The following KLHL7 variants were observed in gnomAD, a reference collection of about 807,000 sequenced individuals.
KLHL7 encodes kelch like family member 7, also known as kelch-like protein 7.
KLHL7 carries 44 observed loss-of-function variants against 67.4 expected under a neutral mutation model. That is an observed-to-expected ratio of 0.65 (90% CI 0.51 to 0.84). The LOEUF is 0.84. KLHL7 is among the 40% of genes least tolerant of loss of function. The probability of loss-of-function intolerance (pLI) is 0.00; values close to 1 mark genes in which losing one functional copy is unlikely to be tolerated. For synonymous variants in KLHL7, 252 were observed against 243.3 expected, an observed-to-expected ratio of 1.04 and a Z score of -0.33; for missense variants, 362 against 718.1, an observed-to-expected ratio of 0.50 and a Z score of 5.67.
At chr7:23,106,286 G>T in intron 1 of KLHL7, 140 bp downstream of exon 1, 1 of 1,520,824 alleles carries the variant, frequency 6.6e-7, no homozygotes. Flanking sequence ...TTTCGCAGGC[G>T]AGCGATTCCG....
At chr7:23,142,419 T>C (rs1784217972) in intron 5 of KLHL7, among the ~76,000 whole-genome samples, 1 of 152,134 alleles carries the variant, frequency 6.6e-6, no homozygotes, top group African/African-American at 2.4e-5. Flanking sequence ...GAGTATCAAT[T>C]TGCAAATTGA....
chr7:23,138,322 C>A (rs932854276), intron 4 of KLHL7, among the ~76,000 whole-genome samples: 1 of 151,082 alleles, frequency 6.6e-6, no homozygotes, highest in African/African-American at 2.4e-5. Context: ...ATTAGCTATG[C>A]ATGGTGGCAT....
chr7:23,117,795 C>G lies in KLHL7; in HGVS notation c.121-5982C>G, dbSNP rs1333973143. 1.9e-6 allele frequency: 3 copies of G among 1,541,496 alleles called. No homozygotes were observed. The East Asian group carries it at 7.2e-5, about 37-fold the overall frequency. ...TAACTAATCCAAGAAAATTATTTACCCCATCTAATAAGGGCCTCATTTCCC... is the reference window on the plus strand; with the variant it reads ...TAACTAATCCAAGAAAATTATTTACGCCATCTAATAAGGGCCTCATTTCCC... On this transcript the variant is annotated intron_variant, in intron 1 of 10. Coordinates refer to ENST00000339077, the MANE Select transcript of KLHL7 (RefSeq NM_001031710.3).
chr7:23,149,111 A>T (rs1429723471), intron 6 of KLHL7, among the ~76,000 whole-genome samples: 1 of 152,240 alleles, frequency 6.6e-6, no homozygotes, highest in East Asian at 1.9e-4. Flanking sequence ...CCAAAAGAAA[A>T]TGAATTACAA....
At chr7:23,146,634 C>G (rs541341377) in intron 6 of KLHL7, among the ~76,000 whole-genome samples, 1 of 147,934 alleles carries the variant, frequency 6.8e-6, no homozygotes, top group Non-Finnish European at 1.5e-5. Flanking sequence ...GCATTTATCA[C>G]TTATAGAGTT....
chr7:23,152,372 G>A (rs1259709167), intron 7 of KLHL7, among the ~76,000 whole-genome samples, 163 bp downstream of exon 7: 1 of 152,182 alleles, frequency 6.6e-6, no homozygotes, highest in Non-Finnish European at 1.5e-5. Context: ...TACAGATAAG[G>A]AAATCAGGCT....
chr7:23,171,711 A>T (rs1407483748), intron 9 of KLHL7, among the ~76,000 whole-genome samples: 1 of 152,132 alleles, frequency 6.6e-6, no homozygotes, highest in Non-Finnish European at 1.5e-5. Flanking sequence ...AATTCATCAA[A>T]TTGTTTTTTG....
intron 6 of KLHL7, among the ~76,000 whole-genome samples, chr7:23,145,835 A>T (rs1484720631): frequency 6.6e-6 from 1 of 152,170 alleles, no homozygotes; most frequent in Admixed American, 6.5e-5. Context: ...GGCACGAGTG[A>T]TCCTTTCACC....
Position 23,167,819 on chromosome 7 carries a change from G to A in KLHL7, c.1178-17G>A, listed in dbSNP as rs1282640003. On this transcript the variant is annotated splice_polypyrimidine_tract_variant and intron_variant, in intron 8 of 10. Transcript: ENST00000339077. Reference sequence around the variant, plus strand: ...ACACACTAAAGTTAAGCATGATGGGGCCTTTTTCTTTTACAGGAAACTCAG... The same window carrying A: ...ACACACTAAAGTTAAGCATGATGGGACCTTTTTCTTTTACAGGAAACTCAG... The A allele has an allele frequency of 5.6e-6, 9 of 1,611,942 alleles. No homozygotes were observed. The highest frequency in any genetic ancestry group is 2.2e-5 in the East Asian group (1 of 44,884).
chr7:23,120,937 TA>T (rs1188859705), intron 1 of KLHL7, among the ~76,000 whole-genome samples: 1 of 152,224 alleles, frequency 6.6e-6, no homozygotes, highest in African/African-American at 2.4e-5. Context: ...CATCTGGCTG[TA>T]ATTTTATGTC....
chr7:23,159,504 T>A (rs1370423326), intron 7 of KLHL7, among the ~76,000 whole-genome samples: 1 of 152,086 alleles, frequency 6.6e-6, no homozygotes, highest in African/African-American at 2.4e-5. Flanking sequence ...TTTTTCTAGA[T>A]ATGACCTTAG....
intron 7 of KLHL7, among the ~76,000 whole-genome samples, chr7:23,154,462 T>C (rs1784637630): frequency 1.3e-5 from 2 of 152,212 alleles, no homozygotes; most frequent in African/African-American, 4.8e-5. Context: ...TAAGAACATC[T>C]AGGGACTTTG....
chr7:23,152,817 ACTC>A (rs1447864809), intron 7 of KLHL7, among the ~76,000 whole-genome samples: 1 of 151,908 alleles, frequency 6.6e-6, no homozygotes, highest in Non-Finnish European at 1.5e-5. Context: ...TCACATTTCT[ACTC>A]CTTGTTTCAT....
At chr7:23,141,891 G>A (rs1784198324) in intron 5 of KLHL7, among the ~76,000 whole-genome samples, 2 of 149,742 alleles carry the variant, frequency 1.3e-5, no homozygotes, top group African/African-American at 5.0e-5. Flanking sequence ...CCAAAGTGCT[G>A]GGATTACAGG....
At position 23,106,016 on chromosome 7, in the gene KLHL7, G is replaced by A. The variant is rs1782618895; in HGVS notation, c.-11G>A. 3 of 1,609,194 alleles carry A rather than the reference G, an allele frequency of 1.9e-6. No individual in the cohort carries two copies. The highest frequency in any genetic ancestry group is 2.5e-6 in the Non-Finnish European group (3 of 1,178,664). ...CCGGCGAGCCCCGGGCGTGAACCGA[G>A]CTGAGGGAGGATGGCAGCCTCTGGG... On this transcript the variant is annotated 5_prime_UTR_variant, in exon 1 of 11. Coordinates refer to ENST00000339077, the MANE Select transcript of KLHL7 (RefSeq NM_001031710.3).
At chr7:23,122,944 C>G (rs1240241006) in intron 1 of KLHL7, among the ~76,000 whole-genome samples, 1 of 152,164 alleles carries the variant, frequency 6.6e-6, no homozygotes, top group Non-Finnish European at 1.5e-5. Context: ...TAAGCCTAAT[C>G]TCTATATTTT....
chr7:23,159,099 A>T (rs541388476), intron 7 of KLHL7, among the ~76,000 whole-genome samples: 217 of 151,982 alleles, frequency 1.4e-3, no homozygotes, highest in East Asian at 6.0e-3. Context: ...TGCACTTTTT[A>T]AAAAAAAGGA....
chr7:23,125,774 A>G (rs1783545252), intron 4 of KLHL7: 6 of 1,500,894 alleles, frequency 4.0e-6, no homozygotes, highest in African/African-American at 1.4e-5. Context: ...AAGCAGAAAA[A>G]GTTGATCAGA....
At chr7:23,109,560 T>C (rs543948413) in intron 1 of KLHL7, among the ~76,000 whole-genome samples, 5 of 152,348 alleles carry the variant, frequency 3.3e-5, no homozygotes, top group African/African-American at 9.6e-5. Flanking sequence ...TTGAGAGTTA[T>C]GTGAGAGAAC....
Sources: allele counts gnomAD v4.1 joint callset (sites outside exome capture counted in the v4.1 genomes callset), GRCh38; gene constraint gnomAD v4.1.1; transcripts MANE v1.5; gene names NCBI Gene and HGNC (gene_info 2026-07-23, HGNC 2026-07-21).